MDGA2: variants seen among roughly 807,000 people sequenced by gnomAD.
MDGA2 encodes the protein MAM domain-containing glycosylphosphatidylinositol anchor protein 2.
Under a neutral mutation model 117.8 loss-of-function variants are expected in MDGA2, and 40 were observed. That is an observed-to-expected ratio of 0.34 (90% confidence interval 0.26 to 0.44). The LOEUF is 0.44. Among genes scored for constraint, MDGA2 ranks in the 20% least tolerant of loss-of-function variants. The pLI, the probability that MDGA2 is intolerant of heterozygous loss-of-function variation, is 1.00. For missense variants in MDGA2, 1,123 were observed against 1,250.6 expected, an observed-to-expected ratio of 0.90 and a Z score of 1.54; for synonymous variants, 452 against 439.0, an observed-to-expected ratio of 1.03 and a Z score of -0.37.
intron 8 of MDGA2, among the ~76,000 whole-genome samples, chr14:46,992,830 C>T (rs143431903): frequency 6.6e-6 from 1 of 152,236 alleles, no homozygotes; most frequent in East Asian, 1.9e-4. Flanking sequence ...AAATAGCATC[C>T]ATGTCTCCCC....
chr14:47,660,737 A>G (rs1897830268), intron 1 of MDGA2, among the ~76,000 whole-genome samples: 1 of 138,968 alleles, frequency 7.2e-6, no homozygotes, highest in Admixed American at 7.9e-5. Flanking sequence ...ATAAAGTAGT[A>G]CACCTGACAG....
chr14:47,104,251 T>C (rs11846219), intron 5 of MDGA2, among the ~76,000 whole-genome samples: 78,648 of 151,636 alleles, frequency 0.52, 20,821 homozygotes, highest in African/African-American at 0.64. Flanking sequence ...TGCACGTATA[T>C]GCCCAGATGG....
chr14:47,630,328 A>T (rs948631497), intron 1 of MDGA2, among the ~76,000 whole-genome samples: 3 of 152,188 alleles, frequency 2.0e-5, no homozygotes, highest in Non-Finnish European at 4.4e-5. Context: ...ATGGAAACTA[A>T]ATTTTTAGCT....
At chr14:47,295,512 T>C (rs1238616235) in intron 2 of MDGA2, among the ~76,000 whole-genome samples, 3 of 148,754 alleles carry the variant, frequency 2.0e-5, no homozygotes, top group Non-Finnish European at 4.5e-5. Context: ...ATGAAAATCA[T>C]ATTTTCTAAT....
intron 4 of MDGA2, among the ~76,000 whole-genome samples, chr14:47,141,465 A>C (rs1441270940): frequency 6.6e-6 from 1 of 152,248 alleles, no homozygotes; most frequent in Non-Finnish European, 1.5e-5. Context: ...TTCAGCTATG[A>C]AATAATGAAT....
intron 1 of MDGA2, among the ~76,000 whole-genome samples, chr14:47,558,284 G>A (rs1895725835): frequency 6.6e-6 from 1 of 152,162 alleles, no homozygotes; most frequent in South Asian, 2.1e-4. Context: ...TTGGGCAGGG[G>A]TAAGAAAAGA....
At chr14:47,017,342 T>A (rs1416126064) in intron 8 of MDGA2, among the ~76,000 whole-genome samples, 1 of 151,900 alleles carries the variant, frequency 6.6e-6, no homozygotes, top group East Asian at 1.9e-4. Context: ...CTAGTTTTAT[T>A]TTTGTACTGT....
chr14:47,566,001 G>A (rs1895911545), intron 1 of MDGA2, among the ~76,000 whole-genome samples: 1 of 152,194 alleles, frequency 6.6e-6, no homozygotes, highest in Admixed American at 6.5e-5. Flanking sequence ...GTGATGCAGG[G>A]CAGGTGGTGC....
chr14:47,245,566 C>A (rs1428316528), intron 2 of MDGA2, among the ~76,000 whole-genome samples: 9 of 151,600 alleles, frequency 5.9e-5, no homozygotes, highest in Admixed American at 5.9e-4. Context: ...TTCAAAGTGC[C>A]TTCCTAAGTC....
At chr14:47,298,876 C>T (rs1329398180) in intron 2 of MDGA2, among the ~76,000 whole-genome samples, 3 of 151,702 alleles carry the variant, frequency 2.0e-5, no homozygotes, top group Non-Finnish European at 2.9e-5. Context: ...TTAGTAGAGA[C>T]AGGGTTTCAC....
rs573256634 is a variant in MDGA2 at position 47,051,179 on chromosome 14, G to A, written c.1525+10070C>T. ...CTGAGATTTCAAGGTCAAGTCAGGT[G>A]GAAGTGAACACAGTATATATGCTTC... On this transcript the variant is annotated intron_variant, in intron 7 of 16. Transcript: ENST00000399232. Among the ~76,000 whole-genome samples the A allele has an allele frequency of 2.6e-5, 4 of 151,996 alleles. No homozygotes were observed. In the South Asian group the frequency reaches 8.3e-4, roughly 32 times the overall value.
intron 1 of MDGA2, among the ~76,000 whole-genome samples, chr14:47,437,185 ATATAACTG>A: frequency 1.3e-5 from 2 of 152,264 alleles, no homozygotes; most frequent in South Asian, 4.1e-4. Flanking sequence ...TTAAGTAAGC[ATATAACTG>A]TATGAAATAA....
intron 8 of MDGA2, among the ~76,000 whole-genome samples, chr14:46,967,411 T>C (rs1470514813): frequency 6.6e-6 from 1 of 152,206 alleles, no homozygotes; most frequent in Non-Finnish European, 1.5e-5. Context: ...TGCTCATAAT[T>C]ATTTATAAAT....
chr14:47,183,003 G>A lies in MDGA2; in HGVS notation c.595+35018C>T, dbSNP rs369255844. On this transcript the variant is annotated intron_variant, in intron 3 of 16. Coordinates refer to ENST00000399232, the MANE Select transcript of MDGA2 (RefSeq NM_001113498.3). ...TGATAATGTCTAATTATTTTTAGCT[G>A]ACATATCTCCTAAACTGAAATCCAG... Among the ~76,000 whole-genome samples the A allele has an allele frequency of 1.1e-3, 168 of 152,098 alleles. 2 individuals carry two copies. The highest frequency in any genetic ancestry group is 3.8e-3 in the African/African-American group (159 of 41,506).
chr14:47,066,598 G>A (rs532842538), intron 6 of MDGA2, among the ~76,000 whole-genome samples: 2 of 152,106 alleles, frequency 1.3e-5, no homozygotes, highest in African/African-American at 2.4e-5. Context: ...ATGGGACATC[G>A]GCTATCAGAC....
intron 1 of MDGA2, among the ~76,000 whole-genome samples, chr14:47,527,230 C>A (rs1482570108): frequency 6.6e-6 from 1 of 152,252 alleles, no homozygotes; most frequent in African/African-American, 2.4e-5. Flanking sequence ...TTACTTCTGA[C>A]TTTAAAGCTA....
At chr14:47,618,777 G>C (rs993166960) in intron 1 of MDGA2, among the ~76,000 whole-genome samples, 1 of 152,154 alleles carries the variant, frequency 6.6e-6, no homozygotes. Flanking sequence ...ACTAAGCCAT[G>C]ATGACGCAAA....
chr14:47,024,499 T>C (rs1888403878), intron 8 of MDGA2, among the ~76,000 whole-genome samples: 1 of 152,210 alleles, frequency 6.6e-6, no homozygotes, highest in South Asian at 2.1e-4. Flanking sequence ...CTTAAATACA[T>C]TTCAGTTTCC....
intron 1 of MDGA2, among the ~76,000 whole-genome samples, chr14:47,531,291 A>G (rs1452531967): frequency 6.6e-6 from 1 of 152,152 alleles, no homozygotes; most frequent in Non-Finnish European, 1.5e-5. Context: ...TTACATTCCC[A>G]GTAGAGGATA....
Sources: allele counts gnomAD v4.1 joint callset (sites outside exome capture counted in the v4.1 genomes callset), GRCh38; gene constraint gnomAD v4.1.1; transcripts MANE v1.5; gene names NCBI Gene and HGNC (gene_info 2026-07-23, HGNC 2026-07-21).